The following RPTOR variants were observed in gnomAD, a reference collection of about 807,000 sequenced individuals.
RPTOR encodes regulatory associated protein of MTOR complex 1.
A neutral mutation model predicts 169.9 loss-of-function variants in RPTOR; 21 were observed. The ratio of observed to expected loss-of-function variants is 0.12; its 90% confidence interval spans 0.09 to 0.18. RPTOR has a LOEUF of 0.18. Among genes scored for constraint, RPTOR ranks in the 10% least tolerant of loss-of-function variants. The pLI is 1.00. For missense variants in RPTOR, 1,133 were observed against 1,855.9 expected (o/e 0.61, Z 7.16); for synonymous variants, 732 against 753.2 (o/e 0.97, Z 0.46).
intron 1 of RPTOR, among the ~76,000 whole-genome samples, chr17:80,603,671 A>C (rs2065207856): frequency 6.6e-6 from 1 of 152,220 alleles, no homozygotes; most frequent in African/African-American, 2.4e-5. Flanking sequence ...GTGAGGTCTG[A>C]AGGGAACCAG....
Position 80,966,294 on chromosome 17 carries a change from G to C in RPTOR, c.*1964G>C, listed in dbSNP as rs1037527826. On this transcript the variant is annotated 3_prime_UTR_variant, in exon 34 of 34. Transcript: ENST00000306801. Reference sequence around the variant, plus strand: ...TATTTTACCAAACGCGAATTGAGACGGACTTTGACAAAACACGAAATGGTA... The same window carrying C: ...TATTTTACCAAACGCGAATTGAGACCGACTTTGACAAAACACGAAATGGTA... 1 of 232,164 alleles carries C rather than the reference G, an allele frequency of 4.3e-6. No individual in the cohort carries two copies. Among genetic ancestry groups the C allele is most frequent in the Admixed American group, 5.6e-5 (1 of 17,758 alleles). 14.4% of individuals were successfully genotyped at this position (232,164 alleles called of 1,614,324 possible).
intron 17 of RPTOR, among the ~76,000 whole-genome samples, chr17:80,890,822 G>A (rs533031855): frequency 5.6e-4 from 85 of 152,244 alleles, no homozygotes; most frequent in African/African-American, 1.8e-3. Flanking sequence ...TACAGAGAGT[G>A]CGTAGACGGA....
chr17:80,679,456 C>CT (rs2065882778), intron 3 of RPTOR, among the ~76,000 whole-genome samples: 1 of 152,176 alleles, frequency 6.6e-6, no homozygotes, highest in Non-Finnish European at 1.5e-5. Flanking sequence ...TCATGTTACT[C>CT]TAAGTTTTCG....
At chr17:80,653,410 T>G (rs141358806) in intron 3 of RPTOR, among the ~76,000 whole-genome samples, 2 of 152,324 alleles carry the variant, frequency 1.3e-5, no homozygotes, top group East Asian at 3.9e-4. Flanking sequence ...CTTTGACTAT[T>G]GACTATACTG....
Position 80,545,703 on chromosome 17 carries a change from A to G in RPTOR, c.74A>G (p.Asn25Ser), listed in dbSNP as rs377330508. Residue 25 changes from asparagine (N) to serine (S), a missense_variant, in exon 1 of 34, where the codon AAC becomes AGC. Physicochemically the swap from Asn to Ser is conservative, Grantham distance 46. Coordinates refer to ENST00000306801, the MANE Select transcript of RPTOR (RefSeq NM_020761.3). ...GATGAGGCTGATCTTACAGACTGGA[A>G]CCTACCTTTGGCTTTTATGAAAAAG... ...EEDEADLTDWNLPLAFMKKRH... is the reference protein window; with the variant it reads ...EEDEADLTDWSLPLAFMKKRH... The G allele has an allele frequency of 1.9e-6, 3 of 1,613,772 alleles. No individual in the cohort carries two copies. Among genetic ancestry groups the G allele is most frequent in the African/African-American group, 1.3e-5 (1 of 74,878 alleles).
At chr17:80,874,396 C>T (rs945710853) in intron 13 of RPTOR, among the ~76,000 whole-genome samples, 7 of 152,086 alleles carry the variant, frequency 4.6e-5, no homozygotes, top group African/African-American at 1.2e-4. Flanking sequence ...GGGGTTTCAC[C>T]GTGTTAGCCA....
rs1015512921 is a variant in RPTOR, at chr17:80,965,182, G to C, written c.*852G>C. ...CCCACAGGCGCGGGGACAGCAGCCCGACCTGTGGTCTCCATGCCTGTGCCC... is the reference window on the plus strand; with the variant it reads ...CCCACAGGCGCGGGGACAGCAGCCCCACCTGTGGTCTCCATGCCTGTGCCC... On this transcript the variant is annotated 3_prime_UTR_variant, in exon 34 of 34. Coordinates refer to ENST00000306801, the MANE Select transcript of RPTOR (RefSeq NM_020761.3). 3 of 233,204 alleles carry C rather than the reference G, an allele frequency of 1.3e-5. No homozygotes were observed. The highest frequency in any genetic ancestry group is 2.5e-5 in the Non-Finnish European group (3 of 118,056). The allele number at this position is 233,204 out of a possible 1,614,324, so 14.4% of individuals were successfully genotyped here. A position where few individuals can be genotyped will look rare whatever the true frequency, so the allele number is the denominator to read the frequency against.
intron 20 of RPTOR, among the ~76,000 whole-genome samples, chr17:80,907,470 C>T (rs539491336): frequency 6.6e-6 from 1 of 152,386 alleles, no homozygotes; most frequent in East Asian, 1.9e-4. Context: ...TGGTCCTCGG[C>T]CCAGCCCTTG....
intron 7 of RPTOR, among the ~76,000 whole-genome samples, chr17:80,810,433 T>C (rs1221862213): frequency 1.3e-5 from 2 of 152,194 alleles, no homozygotes; most frequent in African/African-American, 2.4e-5. Context: ...CCTTGGTGCC[T>C]TTGACAAAAA....
At chr17:80,717,602 C>T (rs112211564) in intron 4 of RPTOR, among the ~76,000 whole-genome samples, 106 of 152,244 alleles carry the variant, frequency 7.0e-4, no homozygotes, top group African/African-American at 2.0e-3. Context: ...GTCCTGTTGC[C>T]GAGTCTTTCA....
chr17:80,623,216 A>G (rs931658981), intron 1 of RPTOR, among the ~76,000 whole-genome samples: 3 of 152,228 alleles, frequency 2.0e-5, no homozygotes, highest in Admixed American at 1.3e-4. Flanking sequence ...GGAATGATCT[A>G]TTGGAAAGAA....
intron 3 of RPTOR, among the ~76,000 whole-genome samples, chr17:80,693,289 G>A (rs1018679303): frequency 2.0e-5 from 3 of 152,262 alleles, no homozygotes; most frequent in Non-Finnish European, 2.9e-5. Context: ...CAGCAGTGCC[G>A]ACCGAGCCTG....
intron 9 of RPTOR, 113 bp from the exon 10 acceptor site, chr17:80,837,809 C>G: frequency 1.0e-6 from 1 of 993,312 alleles, no homozygotes; most frequent in Non-Finnish European, 1.6e-6. Context: ...GCCGTGGCCT[C>G]CGCCCAGACC....
intron 9 of RPTOR, among the ~76,000 whole-genome samples, chr17:80,827,498 G>A (rs1338587318): frequency 6.6e-6 from 1 of 152,202 alleles, no homozygotes; most frequent in East Asian, 1.9e-4. Context: ...GGAGCCGGGT[G>A]CTGCATCCTC....
At chr17:80,870,556 G>T (rs117513300) in intron 13 of RPTOR, among the ~76,000 whole-genome samples, 1 of 152,164 alleles carries the variant, frequency 6.6e-6, no homozygotes, top group Non-Finnish European at 1.5e-5. Context: ...AATGTGCAAG[G>T]TTAGCTTTCT....
intron 11 of RPTOR, among the ~76,000 whole-genome samples, chr17:80,848,006 A>G (rs1416623244): frequency 1.3e-5 from 2 of 152,250 alleles, no homozygotes; most frequent in Admixed American, 1.3e-4. Flanking sequence ...GGCGTGCTGT[A>G]GGACTGAGGC....
In RPTOR at chr17:80,803,907, G is replaced by A. The variant is rs999242311; in HGVS notation, c.890+12398G>A. Among the ~76,000 whole-genome samples the A allele has an allele frequency of 2.6e-5, 4 of 152,218 alleles. No homozygotes were observed. In the South Asian group the frequency reaches 6.2e-4, roughly 24 times the overall value. The stretch of plus-strand genomic sequence containing the variant: ...CTGGCCAGACGGGAGCAGCCATGCC[G>A]GGACCAGGGGCAGCGTTCCAGACGG... On this transcript the variant is annotated intron_variant, in intron 7 of 33. Transcript: ENST00000306801. The surrounding 1 kb of genome is among the most constrained non-coding windows in gnomAD (Gnocchi z 6.2).
At chr17:80,665,368 C>CTTTCCTTTCCTTTCCTTTCCTTTCG in intron 3 of RPTOR, among the ~76,000 whole-genome samples, 1 of 5,280 alleles carries the variant, frequency 1.9e-4, no homozygotes, top group South Asian at 0.011. Flanking sequence ...CTTTCCTTTC[C>CTTTCCTTTCCTTTCCTTTCCTTTCG]TTTCCTTTCC....
chr17:80,855,067 G>A (rs1404741308), intron 11 of RPTOR, among the ~76,000 whole-genome samples: 3 of 152,206 alleles, frequency 2.0e-5, no homozygotes, highest in Non-Finnish European at 4.4e-5. Context: ...TGTTCACAGT[G>A]CATTGTTTAG....
Sources: allele counts gnomAD v4.1 joint callset (sites outside exome capture counted in the v4.1 genomes callset), GRCh38; gene constraint gnomAD v4.1.1; non-coding constraint Gnocchi (gnomAD v3.1); transcripts MANE v1.5; gene names NCBI Gene and HGNC (gene_info 2026-07-23, HGNC 2026-07-21).